DKC1: variants seen among roughly 807,000 people sequenced by gnomAD.
The protein encoded by DKC1 is H/ACA ribonucleoprotein complex subunit DKC1.
Under a neutral mutation model 46.7 loss-of-function variants are expected in DKC1, and 4 were observed. That is an observed-to-expected ratio of 0.09 (90% confidence interval 0.04 to 0.20). The LOEUF (loss-of-function observed/expected upper bound fraction) is 0.20. Ranked by LOEUF, DKC1 falls within the 10% of genes least tolerant of loss-of-function variation. The pLI is 1.00. For synonymous variants in DKC1, 141 were observed against 142.4 expected, an observed-to-expected ratio of 0.99 and a Z score of 0.07; for missense variants, 171 against 404.2, an observed-to-expected ratio of 0.42 and a Z score of 4.95.
intron 8 of DKC1, 118 bp downstream of exon 8, chrX:154,768,550 C>A: frequency 1.0e-6 from 1 of 963,316 alleles, no homozygotes; most frequent in Non-Finnish European, 1.5e-6. Context: ...GAGTTCAGTC[C>A]AGGGCAGCTT....
intron 11 of DKC1, 57 bp from the exon 12 acceptor site, chrX:154,774,545 C>A: frequency 2.9e-6 from 3 of 1,046,492 alleles, no homozygotes; most frequent in Non-Finnish European, 4.0e-6. Flanking sequence ...TTGTAGTCAC[C>A]ATGCCCGCTT....
At chrX:154,768,159 G>A in intron 7 of DKC1, 143 bp from the exon 8 acceptor site, 2 of 831,018 alleles carry the variant, frequency 2.4e-6, no homozygotes, top group South Asian at 4.2e-5. Flanking sequence ...CAGAATTACA[G>A]ATCTTTACAG....
At chrX:154,767,943 C>T (rs1306924774) in intron 7 of DKC1, 15 of 237,789 alleles carry the variant, frequency 6.3e-5, no homozygotes, top group Non-Finnish European at 1.1e-4. Context: ...CTCTGTCTCC[C>T]GGGTTCACAC....
At chrX:154,773,095 C>T in intron 10 of DKC1, 36 bp from the exon 11 acceptor site, 3 of 982,710 alleles carry the variant, frequency 3.1e-6, no homozygotes, top group African/African-American at 1.9e-5. Flanking sequence ...TTCTTTCACC[C>T]TTCAAATAAT....
intron 4 of DKC1, 73 bp downstream of exon 4, chrX:154,766,071 G>C: frequency 1.0e-6 from 1 of 999,922 alleles, no homozygotes; most frequent in Non-Finnish European, 1.4e-6. Context: ...TATTCAGGAA[G>C]GCAGTGGCAT....
At chrX:154,771,751 C>T (rs931625559) in intron 10 of DKC1, among the ~76,000 whole-genome samples, 6 of 111,743 alleles carry the variant, frequency 5.4e-5, no homozygotes, top group South Asian at 3.7e-4. Context: ...AGTAATCCAT[C>T]GTGTATATGT....
At chrX:154,769,391 GTTTTA>G (rs1234639674) in intron 9 of DKC1, 81 bp downstream of exon 9, 6 of 1,051,882 alleles carry the variant, frequency 5.7e-6, no homozygotes, top group South Asian at 3.9e-5. Context: ...TTTTCCTTGG[GTTTTA>G]TTTTATTTTT....
Position 154,768,339 on chromosome X carries a change from T to G in DKC1, c.678T>G (p.Ile226Met). 1 of 1,211,611 alleles carries G rather than the reference T, an allele frequency of 8.3e-7. No individual in the cohort carries two copies. Among genetic ancestry groups the G allele is most frequent in the South Asian group, 1.8e-5 (1 of 56,956 alleles). The change falls in exon 8 of 15, where the codon ATT becomes ATG. Residue 226 changes from isoleucine (I) to methionine (M), a missense_variant. Around this residue, in one of 4 missense-constraint regions of DKC1, gnomAD observed 60 missense variants for 206.5 expected, o/e 0.29. Coordinates refer to ENST00000369550, the MANE Select transcript of DKC1 (RefSeq NM_001363.5). ...FWVSCEAGTY[I>M]RTLCVHLGLL... is the part of the protein sequence containing the mutation. Reference sequence around the variant, plus strand: ...TGAGTTGTGAGGCTGGCACCTACATTCGGACATTATGTGTGCACCTTGGTT... The same window carrying G: ...TGAGTTGTGAGGCTGGCACCTACATGCGGACATTATGTGTGCACCTTGGTT...
rs1444136628 is a variant in DKC1 at position 154,773,126 on chromosome X, T to C, written c.1037-5T>C. The C allele has an allele frequency of 1.2e-5, 13 of 1,129,795 alleles. No individual in the cohort carries two copies. Among genetic ancestry groups the C allele is most frequent in the Non-Finnish European group, 1.6e-5 (13 of 823,615 alleles). The allele number at this position is 1,129,795 out of a possible 1,213,427, so 93.1% of individuals were successfully genotyped here. On this transcript the variant is annotated splice_region_variant and splice_polypyrimidine_tract_variant and intron_variant, in intron 10 of 14. Transcript: ENST00000369550. Reference sequence around the variant, plus strand: ...ATAATTCTTTTCTTTATTCAATGCCTGTAGCTATTGCATTAATGACCACAG... The same window carrying C: ...ATAATTCTTTTCTTTATTCAATGCCCGTAGCTATTGCATTAATGACCACAG...
chrX:154,777,403 A>G lies in DKC1; in HGVS notation c.*536A>G, dbSNP rs2071913164. ...GTAGTTTTCCATCTTGTTCTGGCCT[A>G]GAGGTCAGTCCTTTGCACTTCCTCA... On this transcript the variant is annotated 3_prime_UTR_variant, in exon 15 of 15. Transcript: ENST00000369550. The G allele has an allele frequency of 8.0e-6, 1 of 124,595 alleles. No homozygotes were observed. The allele number at this position is 124,595 out of a possible 1,213,427, so 10.3% of individuals were successfully genotyped here. A position where few individuals can be genotyped will look rare whatever the true frequency, so the allele number is the denominator to read the frequency against.
intron 13 of DKC1, 143 bp downstream of exon 13, chrX:154,775,416 G>C (rs1490473341): frequency 1.7e-6 from 1 of 598,176 alleles, no homozygotes. Context: ...AGGTAATGCT[G>C]CCTCATACCC....
Position 154,767,079 on chromosome X carries a change from G to A in DKC1, c.513+18G>A. On this transcript the variant is annotated intron_variant, in intron 6 of 14. Coordinates refer to ENST00000369550, the MANE Select transcript of DKC1 (RefSeq NM_001363.5). Reference sequence around the variant, plus strand: ...TTTCTAGGGTAAGTCTGCAATTGTAGGGAGGACACCCTTTGTTGACTTGGA... The same window carrying A: ...TTTCTAGGGTAAGTCTGCAATTGTAAGGAGGACACCCTTTGTTGACTTGGA... The A allele has an allele frequency of 1.7e-6, 2 of 1,203,709 alleles. No homozygotes were observed. Among genetic ancestry groups the A allele is most frequent in the Non-Finnish European group, 2.3e-6 (2 of 888,053 alleles).
At chrX:154,764,627 G>T in intron 1 of DKC1, among the ~76,000 whole-genome samples, 1 of 109,693 alleles carries the variant, frequency 9.1e-6, no homozygotes, top group African/African-American at 3.3e-5. Context: ...TGTTAACTAA[G>T]ACACAAACAC....
intron 14 of DKC1, among the ~76,000 whole-genome samples, chrX:154,776,538 A>T (rs2071898738): frequency 8.9e-6 from 1 of 111,788 alleles, no homozygotes; most frequent in African/African-American, 3.3e-5. Flanking sequence ...TCTACCACTT[A>T]TACTTAGAGC....
chrX:154,763,384 G>A (rs1462817738), intron 1 of DKC1, among the ~76,000 whole-genome samples: 2 of 112,442 alleles, frequency 1.8e-5, no homozygotes, highest in Non-Finnish European at 1.9e-5. Context: ...GGAGCGGAGG[G>A]ACCCCGGAGC....
chrX:154,773,025 A>T, intron 10 of DKC1, 106 bp from the exon 11 acceptor site: 1 of 557,403 alleles, frequency 1.8e-6, no homozygotes, highest in Non-Finnish European at 3.1e-6. Flanking sequence ...GTAGTAGCTC[A>T]GAGTTTTAAA....
Position 154,770,890 on chromosome X carries a change from A to T in DKC1, c.1036+11A>T, listed in dbSNP as rs1401425490. ...AAGCAATCTGCATGGGTAAGAGGGG[A>T]TGTTTATTTTTTAAATTCTAAATGT... On this transcript the variant is annotated intron_variant, in intron 10 of 14. Transcript: ENST00000369550. 1 of 1,207,412 alleles carries T rather than the reference A, an allele frequency of 8.3e-7. No homozygotes were observed. The highest frequency in any genetic ancestry group is 1.1e-6 in the Non-Finnish European group (1 of 893,089).
At chrX:154,765,105 C>A in intron 2 of DKC1, 139 bp downstream of exon 2, 1 of 569,084 alleles carries the variant, frequency 1.8e-6, no homozygotes, top group Non-Finnish European at 3.0e-6. Flanking sequence ...CGAAAAAGCA[C>A]TGAAATGACA....
rs782576893 is a variant in DKC1 at position 154,776,813 on chromosome X, CAAGAAGAAG to C, written c.1506_1514del (p.Lys503_Lys505del). Reference sequence around the variant, plus strand: ...TTTCTTTCTAGGACAGTGATACCACCAAGAAGAAGAAGAAGAAGAAGAAAGCAAAAGAGG... The same window carrying C: ...TTTCTTTCTAGGACAGTGATACCACCAAGAAGAAGAAGAAAGCAAAAGAGG... On this transcript the variant is annotated inframe_deletion, in exon 15 of 15. Coordinates refer to ENST00000369550, the MANE Select transcript of DKC1 (RefSeq NM_001363.5). 1.3e-5 allele frequency: 15 copies of C among 1,196,609 alleles called. No homozygotes were observed. The highest frequency in any genetic ancestry group is 1.6e-5 in the Non-Finnish European group (14 of 887,035).
Sources: gnomAD v4.1 joint callset for allele counts (sites outside exome capture counted in the v4.1 genomes callset) on GRCh38, gnomAD v4.1.1 for gene constraint, gnomAD v4.1.1 regional missense constraint, MANE v1.5 for transcripts, NCBI Gene and HGNC (gene_info 2026-07-23, HGNC 2026-07-21) for gene names.